CEP170: variants seen among roughly 807,000 people sequenced by gnomAD.
CEP170 encodes the protein centrosomal protein 170.
CEP170 carries 21 observed loss-of-function variants against 151.9 expected under a neutral mutation model. The ratio of observed to expected loss-of-function variants is 0.14; its 90% CI spans 0.10 to 0.20. The LOEUF (loss-of-function observed/expected upper bound fraction) is 0.20, where lower values mean the gene tolerates loss of function less well. Among genes scored for constraint, CEP170 ranks in the 10% least tolerant of loss-of-function variants. The pLI is 1.00. For synonymous variants in CEP170, 356 were observed against 648.8 expected (o/e 0.55, Z 6.86); for missense variants, 964 against 1,892.9 (o/e 0.51, Z 9.11).
chr1:243,231,099 G>GA (rs35952661), intron 1 of CEP170, among the ~76,000 whole-genome samples: 60,369 of 147,248 alleles, frequency 0.41, 14,431 homozygotes, highest in East Asian at 0.65. Flanking sequence ...GAAAGGAGAA[G>GA]AAAAAAAAAA....
chr1:243,201,489 A>T (rs928217566), intron 4 of CEP170, among the ~76,000 whole-genome samples: 9 of 152,126 alleles, frequency 5.9e-5, no homozygotes, highest in Admixed American at 5.2e-4. Context: ...CTGTATATTA[A>T]AAAGATCTAT....
chr1:243,175,844 C>T (rs977257323), intron 10 of CEP170, among the ~76,000 whole-genome samples: 9 of 152,060 alleles, frequency 5.9e-5, no homozygotes, highest in Admixed American at 1.3e-4. Flanking sequence ...TCGCCCAGGC[C>T]GGAGTGCAGT....
At chr1:243,244,094 C>T (rs543869476) in intron 1 of CEP170, among the ~76,000 whole-genome samples, 25 of 152,154 alleles carry the variant, frequency 1.6e-4, no homozygotes, top group African/African-American at 5.8e-4. Context: ...TTTAAGAACA[C>T]TTTAGTTAAA....
intron 4 of CEP170, chr1:243,211,583 C>T (rs931756403): frequency 8.1e-6 from 2 of 248,100 alleles, no homozygotes; most frequent in Non-Finnish European, 1.6e-5. Flanking sequence ...TGTCCTCTCC[C>T]CAGTTACATT....
intron 1 of CEP170, among the ~76,000 whole-genome samples, chr1:243,241,391 G>A (rs1038153970): frequency 2.0e-5 from 3 of 152,146 alleles, no homozygotes; most frequent in Non-Finnish European, 4.4e-5. Flanking sequence ...ACTGCTTTGT[G>A]AATTAAAACA....
At chr1:243,198,253 T>C (rs994450146) in intron 7 of CEP170, among the ~76,000 whole-genome samples, 1 of 152,128 alleles carries the variant, frequency 6.6e-6, no homozygotes, top group African/African-American at 2.4e-5. Flanking sequence ...ATGTGGCAAC[T>C]GACACCTCCA....
chr1:243,230,064 G>A (rs2063596224), intron 1 of CEP170, among the ~76,000 whole-genome samples: 1 of 152,108 alleles, frequency 6.6e-6, no homozygotes, highest in South Asian at 2.1e-4. Context: ...AAAAGGTCTA[G>A]TTCTCACCGG....
At chr1:243,212,090 A>G in intron 3 of CEP170, 126 bp from the exon 4 acceptor site, 1 of 1,095,872 alleles carries the variant, frequency 9.1e-7, no homozygotes, top group Non-Finnish European at 1.2e-6. Flanking sequence ...CAGCCTGAGT[A>G]TCATAAGATG....
At chr1:243,197,180 C>T (rs748870555) in intron 7 of CEP170, among the ~76,000 whole-genome samples, 6 of 151,974 alleles carry the variant, frequency 3.9e-5, no homozygotes, top group Non-Finnish European at 7.4e-5. Flanking sequence ...CTCAGGACGG[C>T]GGGCAGCGTG....
rs2053596920 is a variant in CEP170, at chr1:243,125,011, A to G, written c.*1438T>C. On this transcript the variant is annotated 3_prime_UTR_variant, in exon 20 of 20. Coordinates refer to ENST00000366542, the MANE Select transcript of CEP170 (RefSeq NM_014812.3). ...TTTAAAAAATCCTGTAAAGTCTTGAAGTGTATAGAGTTACTTTGTTTCTTA... is the reference window on the plus strand; with the variant it reads ...TTTAAAAAATCCTGTAAAGTCTTGAGGTGTATAGAGTTACTTTGTTTCTTA... The G allele has an allele frequency of 6.6e-6, 1 of 152,162 alleles. No homozygotes were observed. The highest frequency in any genetic ancestry group is 2.4e-5 in the African/African-American group (1 of 41,424). 9.4% of individuals were successfully genotyped at this position (152,162 alleles called of 1,614,324 possible).
intron 1 of CEP170, among the ~76,000 whole-genome samples, chr1:243,241,903 T>C (rs766013060): frequency 1.8e-4 from 27 of 151,230 alleles, no homozygotes; most frequent in South Asian, 4.2e-4. Context: ...TGAAGTTGAC[T>C]AGGAAGATCA....
intron 7 of CEP170, among the ~76,000 whole-genome samples, chr1:243,194,235 C>T (rs561176574): frequency 6.6e-6 from 1 of 151,858 alleles, no homozygotes; most frequent in Non-Finnish European, 1.5e-5. Context: ...CATGATAGTC[C>T]AGTACCATTC....
intron 16 of CEP170, 96 bp from the exon 17 acceptor site, chr1:243,136,327 A>C (rs1273873983): frequency 1.2e-6 from 1 of 850,500 alleles, no homozygotes; most frequent in Non-Finnish European, 1.8e-6. Flanking sequence ...AGTTAGGGGC[A>C]GTTAGTATTT....
At chr1:243,207,144 TA>T (rs1192173888) in intron 4 of CEP170, among the ~76,000 whole-genome samples, 2 of 152,012 alleles carry the variant, frequency 1.3e-5, no homozygotes, top group African/African-American at 4.8e-5. Context: ...TCGTATCAGA[TA>T]AAAAAGTAAG....
intron 4 of CEP170, among the ~76,000 whole-genome samples, chr1:243,205,036 C>T (rs192636632): frequency 6.6e-6 from 1 of 152,284 alleles, no homozygotes; most frequent in Admixed American, 6.5e-5. Context: ...ACTGCCCCAA[C>T]TCACTGCCCT....
intron 4 of CEP170, among the ~76,000 whole-genome samples, chr1:243,209,925 C>T (rs1312564589): frequency 1.3e-5 from 2 of 152,094 alleles, no homozygotes; most frequent in East Asian, 3.9e-4. Flanking sequence ...AATCTCCTGA[C>T]CTCATGATCC....
intron 1 of CEP170, among the ~76,000 whole-genome samples, chr1:243,226,091 CTA>C (rs1480589125): frequency 1.4e-4 from 19 of 138,106 alleles, no homozygotes; most frequent in South Asian, 6.7e-4. Context: ...ATAAATATAT[CTA>C]TATATATACA....
Position 243,166,100 on chromosome 1 carries a change from C to T in CEP170, c.1860G>A (p.Glu620=), listed in dbSNP as rs929191743. 3 of 1,612,752 alleles carry T rather than the reference C, an allele frequency of 1.9e-6. No individual in the cohort carries two copies. In the African/African-American group the frequency reaches 4.0e-5, roughly 22 times the overall value. The change falls in exon 13 of 20, where the codon GAG becomes GAA. Residue 620 remains glutamate, a synonymous_variant. Transcript: ENST00000366542. Reference sequence around the variant, plus strand: ...CAGTACTTCTCACTGTCATGCCAGACTCACTGATCTCTGTCTCTATGAAAT... The same window carrying T: ...CAGTACTTCTCACTGTCATGCCAGATTCACTGATCTCTGTCTCTATGAAAT... The part of the protein sequence containing the change: ...LPLENETEIS[E]SGMTVRSTGS...
intron 4 of CEP170, among the ~76,000 whole-genome samples, chr1:243,206,208 A>G (rs1410110784): frequency 6.6e-6 from 1 of 152,158 alleles, no homozygotes. Context: ...ATCTTGGCTC[A>G]TTGCAACCTC....
Sources: allele counts gnomAD v4.1 joint callset (sites outside exome capture counted in the v4.1 genomes callset), GRCh38; gene constraint gnomAD v4.1.1; transcripts MANE v1.5; gene names NCBI Gene and HGNC (gene_info 2026-07-23, HGNC 2026-07-21).